RYR2: variants seen among roughly 807,000 people sequenced by gnomAD.
RYR2 encodes the protein ryanodine receptor 2, also known as cardiac muscle ryanodine receptor-calcium release channel.
Under a neutral mutation model 601.1 loss-of-function variants are expected in RYR2, and 227 were observed. That is an observed-to-expected ratio of 0.38 (90% confidence interval 0.34 to 0.42). The LOEUF is 0.42. Among genes scored for constraint, RYR2 ranks in the 10% least tolerant of loss-of-function variants. RYR2 has a pLI of 1.00. For synonymous variants in RYR2, 2,223 were observed against 2,175.1 expected (o/e 1.02, Z -0.61); for missense variants, 4,646 against 6,156.5 (o/e 0.75, Z 8.21).
chr1:237,497,994 T>C lies in RYR2; in HGVS notation c.2203+1242T>C, dbSNP rs1019971893. Among the ~76,000 whole-genome samples the C allele has an allele frequency of 5.3e-5, 8 of 152,008 alleles. No homozygotes were observed. In the East Asian group the frequency reaches 1.5e-3, roughly 29 times the overall value. ...CTCATGCCTCAGCCTCCTGAGTAGC[T>C]GAGACTAACAGGCTTGCACCACCAT... On this transcript the variant is annotated intron_variant, in intron 20 of 104. Transcript: ENST00000366574.
In RYR2 at chr1:237,707,232, G is replaced by A; in HGVS notation, c.9864G>A (p.Leu3288=). 1 of 1,571,508 alleles carries A rather than the reference G, an allele frequency of 6.4e-7. No homozygotes were observed. The highest frequency in any genetic ancestry group is 8.7e-7 in the Non-Finnish European group (1 of 1,151,432). ...GNILKIIYNN[L]GIDEGAWMKR... ...TATTGAAAATCATATATAATAACTT[G>A]GGGATTGATGAGGGAGCCTGGATGA... The change falls in exon 68 of 105, where the codon TTG becomes TTA. Residue 3288 remains leucine (L), a synonymous_variant. Transcript: ENST00000366574.
intron 62 of RYR2, among the ~76,000 whole-genome samples, chr1:237,682,190 T>A (rs550986805): frequency 6.6e-6 from 1 of 152,276 alleles, no homozygotes; most frequent in South Asian, 2.1e-4. Flanking sequence ...TATTTGTTAA[T>A]TATACCTCTA....
intron 1 of RYR2, among the ~76,000 whole-genome samples, chr1:237,260,128 C>T (rs1688374121): frequency 6.6e-6 from 1 of 152,132 alleles, no homozygotes; most frequent in East Asian, 1.9e-4. Flanking sequence ...GATGAAAGTA[C>T]ATCAAAGAAA....
chr1:237,713,921 C>T (rs1380940642), intron 71 of RYR2, among the ~76,000 whole-genome samples: 1 of 150,056 alleles, frequency 6.7e-6, no homozygotes, highest in Non-Finnish European at 1.5e-5. Context: ...ATCTAAAATA[C>T]AAAAAAGTAT....
chr1:237,648,668 T>C, intron 49 of RYR2, 55 bp downstream of exon 49: 1 of 1,525,006 alleles, frequency 6.6e-7, no homozygotes, highest in South Asian at 1.3e-5. Flanking sequence ...CTGTGCCTTA[T>C]GATGTTCTTT....
At chr1:237,576,282 T>C (rs759887028) in intron 29 of RYR2, among the ~76,000 whole-genome samples, 1 of 152,144 alleles carries the variant, frequency 6.6e-6, no homozygotes, top group Non-Finnish European at 1.5e-5. Flanking sequence ...GTATATGGAA[T>C]TGTAAAGGGC....
chr1:237,327,695 A>G (rs1453546544), intron 2 of RYR2, among the ~76,000 whole-genome samples: 1 of 152,228 alleles, frequency 6.6e-6, no homozygotes, highest in East Asian at 1.9e-4. Context: ...AATGGAGAGG[A>G]ATTACAATAT....
At chr1:237,734,100 A>G (rs1311351503) in intron 79 of RYR2, among the ~76,000 whole-genome samples, 1 of 152,148 alleles carries the variant, frequency 6.6e-6, no homozygotes, top group Non-Finnish European at 1.5e-5. Context: ...TTGTAGAAAA[A>G]CCCTGATGAA....
intron 13 of RYR2, among the ~76,000 whole-genome samples, chr1:237,443,932 T>C (rs1424372270): frequency 6.6e-6 from 1 of 152,190 alleles, no homozygotes; most frequent in Non-Finnish European, 1.5e-5. Flanking sequence ...GTATATTAAA[T>C]TATCTTTTCA....
chr1:237,816,407 A>G (rs1661827426), intron 100 of RYR2, among the ~76,000 whole-genome samples: 1 of 152,202 alleles, frequency 6.6e-6, no homozygotes, highest in Admixed American at 6.5e-5. Context: ...AATCCAGGCT[A>G]GGCACGGTGA....
intron 4 of RYR2, among the ~76,000 whole-genome samples, chr1:237,363,768 G>A (rs1699979915): frequency 6.6e-6 from 1 of 152,000 alleles, no homozygotes; most frequent in Non-Finnish European, 1.5e-5. Context: ...ATTTATGAAA[G>A]GAGACTGTGT....
At chr1:237,825,178 T>G (rs898639875) in intron 101 of RYR2, among the ~76,000 whole-genome samples, 9 of 152,158 alleles carry the variant, frequency 5.9e-5, no homozygotes, top group Admixed American at 3.3e-4. Flanking sequence ...AAATTTCATG[T>G]GGAACCAAAA....
At chr1:237,758,303 T>C (rs1003524600) in intron 82 of RYR2, among the ~76,000 whole-genome samples, 1 of 152,206 alleles carries the variant, frequency 6.6e-6, no homozygotes, top group Non-Finnish European at 1.5e-5. Context: ...TAATGTATAC[T>C]TCTTGTCTAT....
intron 53 of RYR2, among the ~76,000 whole-genome samples, chr1:237,657,246 A>G (rs891976578): frequency 2.0e-5 from 3 of 152,198 alleles, no homozygotes; most frequent in African/African-American, 7.2e-5. Context: ...CTGGAAAACA[A>G]CAGCAAACCA....
intron 63 of RYR2, among the ~76,000 whole-genome samples, chr1:237,695,560 A>G (rs1687348237): frequency 6.6e-6 from 1 of 152,180 alleles, no homozygotes; most frequent in Admixed American, 6.5e-5. Flanking sequence ...TGAAAGTTTT[A>G]TCATCTTACA....
At chr1:237,248,710 T>A (rs1055118033) in intron 1 of RYR2, among the ~76,000 whole-genome samples, 1 of 152,040 alleles carries the variant, frequency 6.6e-6, no homozygotes, top group Non-Finnish European at 1.5e-5. Context: ...AGATCTAGTT[T>A]GGATTTTTGA....
chr1:237,098,379 T>TTG (rs758325281), intron 1 of RYR2, among the ~76,000 whole-genome samples: 1,338 of 58,772 alleles, frequency 0.023, 11 homozygotes, highest in Middle Eastern at 0.045. Flanking sequence ...ATAGTTGCCA[T>TTG]TGTGTGTATG....
At chr1:237,407,865 C>G (rs940895302) in intron 10 of RYR2, among the ~76,000 whole-genome samples, 3 of 152,062 alleles carry the variant, frequency 2.0e-5, no homozygotes, top group Non-Finnish European at 2.9e-5. Context: ...ATCCACCTGC[C>G]TCGGCCTCCC....
chr1:237,321,300 T>C (rs1695608095), intron 2 of RYR2, among the ~76,000 whole-genome samples: 1 of 152,194 alleles, frequency 6.6e-6, no homozygotes, highest in Admixed American at 6.5e-5. Context: ...GCATAGAAAT[T>C]TCATGCTAGT....
Sources: gnomAD v4.1 joint callset for allele counts (sites outside exome capture counted in the v4.1 genomes callset) on GRCh38, gnomAD v4.1.1 for gene constraint, MANE v1.5 for transcripts, NCBI Gene and HGNC (gene_info 2026-07-23, HGNC 2026-07-21) for gene names.